POU2F1: variants seen among roughly 807,000 people sequenced by gnomAD.
POU2F1 encodes POU class 2 homeobox 1, also known as POU domain, class 2, transcription factor 1.
POU2F1 carries 16 observed loss-of-function variants against 84.9 expected under a neutral mutation model. That is an observed-to-expected ratio of 0.19 (90% CI 0.13 to 0.29). The LOEUF (loss-of-function observed/expected upper bound fraction) is 0.29, where lower values mean the gene tolerates loss of function less well. Among genes scored for constraint, POU2F1 ranks in the 10% least tolerant of loss-of-function variants. The pLI is 1.00. For missense variants in POU2F1, 738 were observed against 942.6 expected (o/e 0.78, Z 2.84); for synonymous variants, 368 against 368.3 (o/e 1.00, Z 0.01).
At chr1:167,275,733 CA>C (rs1652684774) in intron 1 of POU2F1, among the ~76,000 whole-genome samples, 1 of 152,054 alleles carries the variant, frequency 6.6e-6, no homozygotes, top group Non-Finnish European at 1.5e-5. Flanking sequence ...ACCCCCTGCC[CA>C]AAAAGATGGG....
chr1:167,287,620 T>C (rs1653626381), intron 1 of POU2F1, among the ~76,000 whole-genome samples: 2 of 152,218 alleles, frequency 1.3e-5, no homozygotes, highest in African/African-American at 2.4e-5. Context: ...GTCTCTTTTC[T>C]CTGAGATGAA....
chr1:167,391,360 T>C (rs1356476762), intron 9 of POU2F1, among the ~76,000 whole-genome samples: 1 of 151,972 alleles, frequency 6.6e-6, no homozygotes, highest in Non-Finnish European at 1.5e-5. Flanking sequence ...CTTTATGGAA[T>C]CAGGAGAAAT....
At chr1:167,301,347 T>C (rs1654688936) in intron 1 of POU2F1, among the ~76,000 whole-genome samples, 1 of 152,240 alleles carries the variant, frequency 6.6e-6, no homozygotes, top group South Asian at 2.1e-4. Context: ...AAAGCCACTT[T>C]TGGACTAGCA....
intron 8 of POU2F1, among the ~76,000 whole-genome samples, chr1:167,385,172 T>C (rs984817333): frequency 1.1e-4 from 17 of 152,104 alleles, no homozygotes; most frequent in African/African-American, 3.1e-4. Context: ...AGAACATTGC[T>C]GCATAAAATT....
chr1:167,400,580 A>G (rs1277097836), intron 12 of POU2F1, among the ~76,000 whole-genome samples: 1 of 152,212 alleles, frequency 6.6e-6, no homozygotes, highest in East Asian at 1.9e-4. Flanking sequence ...TTGAAACAAC[A>G]TATGATCCTT....
At chr1:167,286,469 A>C (rs1289142904) in intron 1 of POU2F1, among the ~76,000 whole-genome samples, 1 of 152,228 alleles carries the variant, frequency 6.6e-6, no homozygotes, top group African/African-American at 2.4e-5. Context: ...TAGAGAGCAT[A>C]GTGAAAACCA....
chr1:167,221,085 G>T lies in POU2F1; in HGVS notation c.61+127G>T, dbSNP rs1048423421. The stretch of plus-strand genomic sequence containing the variant: ...ATAATTAACGGCGGGGAGATGGGGG[G>T]CCGGGGAGCATTGAGCCCCCGCCGG... On this transcript the variant is annotated intron_variant, in intron 1 of 15. Coordinates refer to ENST00000367866, the MANE Select transcript of POU2F1 (RefSeq NM_002697.4). 5.4e-6 allele frequency: 5 copies of T among 924,224 alleles called. No individual in the cohort carries two copies. The East Asian group carries it at 1.1e-4, about 20-fold the overall frequency. 57.3% of individuals were successfully genotyped at this position (924,224 alleles called of 1,614,324 possible).
chr1:167,307,446 G>C (rs1655148830), intron 1 of POU2F1, among the ~76,000 whole-genome samples: 1 of 145,736 alleles, frequency 6.9e-6, no homozygotes, highest in Non-Finnish European at 1.5e-5. Context: ...GTGTTGGAGA[G>C]GTCAAAGCCA....
intron 9 of POU2F1, 134 bp from the exon 10 acceptor site, chr1:167,396,151 AC>A: frequency 1.0e-6 from 1 of 996,718 alleles, no homozygotes; most frequent in Non-Finnish European, 1.5e-6. Flanking sequence ...TTTATGTGGG[AC>A]CCCGTAAGTG....
At chr1:167,396,097 A>G (rs1048656738) in intron 9 of POU2F1, among the ~76,000 whole-genome samples, 189 bp from the exon 10 acceptor site, 2 of 152,200 alleles carry the variant, frequency 1.3e-5, no homozygotes, top group African/African-American at 2.4e-5. Flanking sequence ...GATCAGGCCT[A>G]AAAGAGTCCT....
intron 1 of POU2F1, among the ~76,000 whole-genome samples, chr1:167,316,231 G>C (rs1439720934): frequency 6.6e-6 from 1 of 152,188 alleles, no homozygotes; most frequent in Non-Finnish European, 1.5e-5. Flanking sequence ...CAATTGTTTG[G>C]ATTTAATATA....
chr1:167,394,950 A>G (rs539078090), intron 9 of POU2F1, among the ~76,000 whole-genome samples: 2 of 152,344 alleles, frequency 1.3e-5, no homozygotes, highest in South Asian at 4.1e-4. Flanking sequence ...AAAGACTGGG[A>G]TAATCCCAGT....
intron 1 of POU2F1, among the ~76,000 whole-genome samples, chr1:167,270,556 A>G (rs1257614584): frequency 6.6e-6 from 1 of 152,202 alleles, no homozygotes; most frequent in Non-Finnish European, 1.5e-5. Flanking sequence ...ACAGAGAGAG[A>G]GAGACAGACA....
intron 12 of POU2F1, 70 bp from the exon 13 acceptor site, chr1:167,401,381 C>T: frequency 1.9e-6 from 2 of 1,066,088 alleles, no homozygotes; most frequent in Non-Finnish European, 2.8e-6. Context: ...CAAAGAAAGA[C>T]TGTAAAATCA....
intron 1 of POU2F1, among the ~76,000 whole-genome samples, chr1:167,311,897 G>A (rs1378281730): frequency 1.3e-5 from 2 of 150,688 alleles, no homozygotes; most frequent in Non-Finnish European, 3.0e-5. Flanking sequence ...CCACCTCCTT[G>A]GTTCAAGCAA....
chr1:167,302,302 C>T (rs34628302), intron 1 of POU2F1, among the ~76,000 whole-genome samples: 2,185 of 151,252 alleles, frequency 0.014, 22 homozygotes, highest in South Asian at 0.026. Flanking sequence ...CACTGTGTCA[C>T]CAGGTTGGAG....
chr1:167,221,016 C>A, intron 1 of POU2F1, 58 bp downstream of exon 1: 1 of 1,393,684 alleles, frequency 7.2e-7, no homozygotes, highest in East Asian at 2.5e-5. Context: ...CTCCCGCTGC[C>A]CCCCCCCGCG....
intron 2 of POU2F1, among the ~76,000 whole-genome samples, chr1:167,345,469 G>T (rs1165602828): frequency 6.6e-6 from 1 of 152,176 alleles, no homozygotes; most frequent in Non-Finnish European, 1.5e-5. Context: ...ACAAGTCTAG[G>T]ATTAAAATAA....
chr1:167,276,947 A>T (rs370546099), intron 1 of POU2F1, among the ~76,000 whole-genome samples: 1 of 152,218 alleles, frequency 6.6e-6, no homozygotes, highest in South Asian at 2.1e-4. Flanking sequence ...GAGTTTAATG[A>T]GTGAGTAGAA....
Sources: gnomAD v4.1 joint callset for allele counts (sites outside exome capture counted in the v4.1 genomes callset) on GRCh38, gnomAD v4.1.1 for gene constraint, MANE v1.5 for transcripts, NCBI Gene and HGNC (gene_info 2026-07-23, HGNC 2026-07-21) for gene names.